Variants in VPS26C observed in about 807,000 individuals in gnomAD.
VPS26C encodes vacuolar protein sorting-associated protein 26C.
In VPS26C, 19 loss-of-function variants were observed where a neutral mutation model predicts 30.6. The ratio of observed to expected loss-of-function variants is 0.62; its 90% CI spans 0.43 to 0.91. The LOEUF (loss-of-function observed/expected upper bound fraction) is 0.91. VPS26C is among the 40% of genes least tolerant of loss of function. VPS26C has a pLI of 0.00. For synonymous variants in VPS26C, 132 were observed against 151.5 expected (o/e 0.87, Z 0.95); for missense variants, 318 against 385.1 (o/e 0.83, Z 1.46).
upstream of VPS26C, chr21:37,267,904 A>G: frequency 6.5e-6 from 1 of 153,366 alleles, no homozygotes; most frequent in Non-Finnish European, 1.5e-5. Context: ...CAGGCGCCGC[A>G]CCCTGCCCTT....
rs1026474030 is a variant in VPS26C, at chr21:37,227,641, G to A, written c.811+13C>T. The stretch of plus-strand genomic sequence containing the variant: ...CATGGGCCCATGAGGGCTGGGAGGC[G>A]AGTGCCACTTACCCACTTTGAAGTT... On this transcript the variant is annotated intron_variant, in intron 7 of 7. Transcript: ENST00000309117. 9.9e-6 allele frequency: 16 copies of A among 1,612,462 alleles called. No individual in the cohort carries two copies. Among genetic ancestry groups the A allele is most frequent in the East Asian group, 2.2e-5 (1 of 44,802 alleles).
At chr21:37,265,609 C>A (rs771743821) in intron 1 of VPS26C, among the ~76,000 whole-genome samples, 6 of 152,168 alleles carry the variant, frequency 3.9e-5, no homozygotes, top group Non-Finnish European at 7.3e-5. Context: ...GTCTTATAGT[C>A]TAGAAAAATT....
intron 2 of VPS26C, among the ~76,000 whole-genome samples, chr21:37,239,949 T>C (rs1283653386): frequency 6.6e-6 from 1 of 152,126 alleles, no homozygotes; most frequent in Admixed American, 6.5e-5. Flanking sequence ...CCTAATCCTA[T>C]TTATCAAATA....
At chr21:37,266,184 C>T (rs2086359258) in intron 1 of VPS26C, among the ~76,000 whole-genome samples, 1 of 152,062 alleles carries the variant, frequency 6.6e-6, no homozygotes. Context: ...TCCCAAAGTG[C>T]TGGTAATACA....
intron 1 of VPS26C, chr21:37,266,983 G>A (rs1264756750): frequency 5.5e-6 from 3 of 546,922 alleles, no homozygotes; most frequent in East Asian, 3.4e-5. Context: ...CCCGGAGCTG[G>A]GCGCCTGCCC....
chr21:37,251,802 T>C (rs753806416), intron 1 of VPS26C, among the ~76,000 whole-genome samples: 4 of 152,238 alleles, frequency 2.6e-5, no homozygotes, highest in Non-Finnish European at 5.9e-5. Context: ...TGATAACCTA[T>C]AGGCCTAATA....
chr21:37,235,843 A>ATGTG (rs1378481619), intron 3 of VPS26C, among the ~76,000 whole-genome samples: 1 of 100,898 alleles, frequency 9.9e-6, no homozygotes, highest in Non-Finnish European at 1.9e-5. Flanking sequence ...ATGTGTGTAT[A>ATGTG]TGTGTGTGTA....
rs775352069 is a variant in VPS26C, at chr21:37,228,423, G to A, written c.508-50C>T. The A allele has an allele frequency of 3.7e-5, 59 of 1,600,356 alleles. No individual in the cohort carries two copies. In the Admixed American group the frequency reaches 6.0e-4, roughly 16 times the overall value. On this transcript the variant is annotated intron_variant, in intron 5 of 7. Coordinates refer to ENST00000309117, the MANE Select transcript of VPS26C (RefSeq NM_006052.2). ...ATCAGAATGCAGGCAAGGGGGGAAA[G>A]TGCTCCATACTTTGGTGCAAATAAA... is the stretch of plus-strand genomic sequence containing the variant.
chr21:37,224,120 C>A lies in VPS26C; in HGVS notation c.*1424G>T, dbSNP rs548882984. The A allele has an allele frequency of 6.6e-6, 1 of 152,378 alleles. No homozygotes were observed. The highest frequency in any genetic ancestry group is 1.9e-4 in the East Asian group (1 of 5,188). The allele number at this position is 152,378 out of a possible 1,614,324, so 9.4% of individuals were successfully genotyped here. A position where few individuals can be genotyped will look rare whatever the true frequency, so the allele number is the denominator to read the frequency against. On this transcript the variant is annotated 3_prime_UTR_variant, in exon 8 of 8. Transcript: ENST00000309117. ...AGGACCTTTTCCTGCTACCACCTTG[C>A]GGAGAGGGGCCTTCACCAGCCCACC...
rs78444684 is a variant in VPS26C, at chr21:37,252,241, C to T, written c.58-11602G>A. On this transcript the variant is annotated intron_variant, in intron 1 of 7. Coordinates refer to ENST00000309117, the MANE Select transcript of VPS26C (RefSeq NM_006052.2). ...ATTAATTGCTTGTTGAAACACTCTACCCTTTCTTAGTAGCACTGAGAGACC... is the reference window on the plus strand; with the variant it reads ...ATTAATTGCTTGTTGAAACACTCTATCCTTTCTTAGTAGCACTGAGAGACC... Among the ~76,000 whole-genome samples, 62 of 152,324 alleles carry T rather than the reference C, an allele frequency of 4.1e-4. 1 individual carries two copies. In the East Asian group the frequency reaches 0.01, roughly 25 times the overall value.
chr21:37,241,794 C>T (rs1602273332), intron 1 of VPS26C, among the ~76,000 whole-genome samples: 1 of 152,246 alleles, frequency 6.6e-6, no homozygotes, highest in East Asian at 1.9e-4. Context: ...TGCATTCCAG[C>T]CTGGGTGACA....
intron 1 of VPS26C, among the ~76,000 whole-genome samples, chr21:37,264,722 C>G (rs1032605303): frequency 7.2e-5 from 11 of 152,160 alleles, no homozygotes; most frequent in African/African-American, 2.2e-4. Context: ...GTGGTGCAGA[C>G]ATTTTTGGAA....
At chr21:37,238,375 C>A (rs192809118) in intron 3 of VPS26C, 85 bp downstream of exon 3, 1 of 1,475,714 alleles carries the variant, frequency 6.8e-7, no homozygotes, top group Non-Finnish European at 9.2e-7. Context: ...TTCTTGGGCC[C>A]GTCTACTAAC....
At chr21:37,255,146 T>G (rs529309574) in intron 1 of VPS26C, among the ~76,000 whole-genome samples, 4 of 152,242 alleles carry the variant, frequency 2.6e-5, no homozygotes, top group Non-Finnish European at 5.9e-5. Flanking sequence ...CTATCATGAC[T>G]GTATTTTTTT....
chr21:37,240,171 G>A (rs2086070425), intron 2 of VPS26C, among the ~76,000 whole-genome samples: 1 of 152,080 alleles, frequency 6.6e-6, no homozygotes, highest in Admixed American at 6.5e-5. Flanking sequence ...TGCTGAGGCT[G>A]GAGTAGAGTG....
intron 5 of VPS26C, among the ~76,000 whole-genome samples, chr21:37,230,069 G>A (rs2085945685): frequency 6.6e-6 from 1 of 152,124 alleles, no homozygotes; most frequent in African/African-American, 2.4e-5. Flanking sequence ...CAGGTTCTAT[G>A]TTGCCCACGC....
At chr21:37,251,771 A>G (rs914911693) in intron 1 of VPS26C, among the ~76,000 whole-genome samples, 1 of 152,210 alleles carries the variant, frequency 6.6e-6, no homozygotes. Flanking sequence ...CAATGTACAA[A>G]GTTCTAAGCC....
intron 1 of VPS26C, among the ~76,000 whole-genome samples, chr21:37,262,694 C>T (rs1246962783): frequency 1.3e-5 from 2 of 152,168 alleles, no homozygotes; most frequent in African/African-American, 4.8e-5. Context: ...GTGGATACGT[C>T]CAAGGGCAGA....
intron 5 of VPS26C, chr21:37,228,734 T>TA (rs200321401): frequency 1.0e-3 from 182 of 177,564 alleles, no homozygotes; most frequent in African/African-American, 4.1e-3. Context: ...CACACACAGT[T>TA]AAAAAGAAAA....
Sources: gnomAD v4.1 joint callset for allele counts (sites outside exome capture counted in the v4.1 genomes callset) on GRCh38, gnomAD v4.1.1 for gene constraint, MANE v1.5 for transcripts, NCBI Gene and HGNC (gene_info 2026-07-23, HGNC 2026-07-21) for gene names.